Variants in AFDN observed in about 807,000 individuals in gnomAD.
The protein encoded by AFDN is afadin, adherens junction formation factor.
A neutral mutation model predicts 216.6 loss-of-function variants in AFDN; 68 were observed. That is an observed-to-expected ratio of 0.31 (90% CI 0.26 to 0.38). The LOEUF is 0.38. AFDN is among the 10% of genes least tolerant of loss of function. The probability of loss-of-function intolerance (pLI) is 1.00; values close to 1 mark genes in which losing one functional copy is unlikely to be tolerated. For missense variants in AFDN, 2,136 were observed against 2,342.0 expected (o/e 0.91, Z 1.82); for synonymous variants, 868 against 853.7 (o/e 1.02, Z -0.29).
chr6:167,908,056 C>T (rs1160404458), intron 13 of AFDN, among the ~76,000 whole-genome samples: 1 of 152,258 alleles, frequency 6.6e-6, no homozygotes, highest in East Asian at 1.9e-4. Flanking sequence ...AGAAAGACTG[C>T]ATGACTTCTA....
chr6:167,858,185 A>G lies in AFDN; in HGVS notation c.106-6366A>G, dbSNP rs1783117859. Reference sequence around the variant, plus strand: ...ATTTCTAATTCCAGTGAAGTCCAGCAGCAGAGCACTGATTTCACTTGCTTT... The same window carrying G: ...ATTTCTAATTCCAGTGAAGTCCAGCGGCAGAGCACTGATTTCACTTGCTTT... On this transcript the variant is annotated intron_variant, in intron 1 of 33. Transcript: ENST00000683244. 3.3e-5 allele frequency among the ~76,000 whole-genome samples: 5 copies of G among 152,278 alleles called. No individual in the cohort carries two copies. The South Asian group carries it at 1.0e-3, about 32-fold the overall frequency.
rs987230786 is a variant in AFDN, at chr6:167,971,055, G to A, written c.*1120G>A. On this transcript the variant is annotated 3_prime_UTR_variant, in exon 34 of 34. Coordinates refer to ENST00000683244, the MANE Select transcript of AFDN (RefSeq NM_001386888.1). ...TTACCACTGTCATTTCTTCAGCTATGGATATGTGGCTGATGTTGGGGAGAC... is the reference window on the plus strand; with the variant it reads ...TTACCACTGTCATTTCTTCAGCTATAGATATGTGGCTGATGTTGGGGAGAC... 2.3e-5 allele frequency: 5 copies of A among 218,822 alleles called. No homozygotes were observed. The highest frequency in any genetic ancestry group is 2.7e-5 in the Non-Finnish European group (3 of 109,140). The allele number at this position is 218,822 out of a possible 1,614,324, so 13.6% of individuals were successfully genotyped here.
chr6:167,930,996 A>G (rs902257894), intron 23 of AFDN, among the ~76,000 whole-genome samples: 5 of 145,592 alleles, frequency 3.4e-5, no homozygotes, highest in African/African-American at 7.3e-5. Flanking sequence ...GAGGCTTACA[A>G]TAGGGTCGTG....
chr6:167,960,963 T>C (rs1796975310), intron 30 of AFDN, among the ~76,000 whole-genome samples: 1 of 152,214 alleles, frequency 6.6e-6, no homozygotes, highest in African/African-American at 2.4e-5. Context: ...TTTATTATTG[T>C]TTATTGACAT....
rs772795620 is a variant in AFDN, at chr6:167,922,918, G to T, written c.2971G>T (p.Ala991Ser). The change falls in exon 22 of 34, where the codon GCA becomes TCA. Residue 991 changes from alanine to serine, a missense_variant. Ala to Ser is a moderately conservative substitution (Grantham distance 99). Around this residue, in one of 8 missense-constraint regions of AFDN, gnomAD observed 162 missense variants for 182.6 expected, o/e 0.89. Coordinates refer to ENST00000683244, the MANE Select transcript of AFDN (RefSeq NM_001386888.1). ...PGTWTIYFEG[A>S]DYESHLLREN... ...TACTTGGACAATATATTTTGAAGGTGCAGATTATGAAAGTCACCTTCTGCG... is the reference window on the plus strand; with the variant it reads ...TACTTGGACAATATATTTTGAAGGTTCAGATTATGAAAGTCACCTTCTGCG... 6.2e-7 allele frequency: 1 copy of T among 1,613,018 alleles called. No homozygotes were observed. The highest frequency in any genetic ancestry group is 1.3e-5 in the African/African-American group (1 of 74,822).
chr6:167,857,119 A>C (rs1782988251), intron 1 of AFDN, among the ~76,000 whole-genome samples: 2 of 152,120 alleles, frequency 1.3e-5, no homozygotes, highest in South Asian at 4.1e-4. Flanking sequence ...TGGAAGAGGA[A>C]AGTATCTTGA....
At chr6:167,950,398 C>G (rs6929637) in intron 29 of AFDN, among the ~76,000 whole-genome samples, 18,930 of 148,682 alleles carry the variant, frequency 0.13, 1,431 homozygotes, top group South Asian at 0.22. Flanking sequence ...TTCTCTGTGT[C>G]TGTGTGTGTG....
At chr6:167,964,454 T>G (rs1266302964) in intron 31 of AFDN, 7 of 1,065,550 alleles carry the variant, frequency 6.6e-6, no homozygotes, top group African/African-American at 1.6e-5. Flanking sequence ...GAACACTTAC[T>G]TTGTGTAGAC....
At chr6:167,898,913 TAGTA>T (rs1178328774) in intron 11 of AFDN, among the ~76,000 whole-genome samples, 4 of 152,232 alleles carry the variant, frequency 2.6e-5, no homozygotes, top group Non-Finnish European at 5.9e-5. Context: ...ATTGTGGGCT[TAGTA>T]AGGGAAAACA....
intron 6 of AFDN, among the ~76,000 whole-genome samples, chr6:167,884,076 A>G (rs560954688): frequency 2.0e-4 from 30 of 152,324 alleles, no homozygotes; most frequent in Non-Finnish European, 3.8e-4. Context: ...ATTCCATAAG[A>G]AACTACTTTC....
Position 167,890,885 on chromosome 6 carries a change from A to C in AFDN, c.1033A>C (p.Arg345=). 4 of 1,613,176 alleles carry C rather than the reference A, an allele frequency of 2.5e-6. No homozygotes were observed. The highest frequency in any genetic ancestry group is 3.4e-6 in the Non-Finnish European group (4 of 1,179,534). ...DKGILVFQLK[R]RPPDHIPKKT... ...AGGGATTTTAGTCTTTCAGTTGAAG[A>C]GGAGGCCACCAGACCACATCCCAAA... The change falls in exon 8 of 34, where the codon AGG becomes CGG. Residue 345 remains arginine, a synonymous_variant. Transcript: ENST00000683244.
chr6:167,848,993 G>C (rs1016748111), intron 1 of AFDN, among the ~76,000 whole-genome samples: 2 of 152,162 alleles, frequency 1.3e-5, no homozygotes, highest in African/African-American at 4.8e-5. Context: ...CATAGTGGTT[G>C]AAAGTGACTT....
chr6:167,839,400 G>A (rs778504594), intron 1 of AFDN, among the ~76,000 whole-genome samples: 1 of 151,790 alleles, frequency 6.6e-6, no homozygotes, highest in Non-Finnish European at 1.5e-5. Flanking sequence ...TAAAATTATG[G>A]ACATTTAAAC....
chr6:167,929,157 AATAAT>A (rs1334262126), intron 23 of AFDN, among the ~76,000 whole-genome samples: 1 of 151,958 alleles, frequency 6.6e-6, no homozygotes, highest in African/African-American at 2.4e-5. Context: ...TAATAGTTAA[AATAAT>A]ATTTCAGAAA....
At chr6:167,922,261 A>G (rs1185084618) in intron 21 of AFDN, among the ~76,000 whole-genome samples, 1 of 152,244 alleles carries the variant, frequency 6.6e-6, no homozygotes, top group Non-Finnish European at 1.5e-5. Flanking sequence ...TGATGAAAAT[A>G]TCAGAGATAT....
chr6:167,837,432 G>C lies in AFDN; in HGVS notation c.105+10195G>C, dbSNP rs186717740. Reference sequence around the variant, plus strand: ...TATTTTATTTTGGAAAAAAGTTTGCGTGTATGTTTAGCTGTATCTGCTTAT... The same window carrying C: ...TATTTTATTTTGGAAAAAAGTTTGCCTGTATGTTTAGCTGTATCTGCTTAT... On this transcript the variant is annotated intron_variant, in intron 1 of 33. Transcript: ENST00000683244. Among the ~76,000 whole-genome samples, 321 of 149,274 alleles carry C rather than the reference G, an allele frequency of 2.2e-3. 3 individuals are homozygous for C. The highest frequency in any genetic ancestry group is 7.0e-3 in the African/African-American group (283 of 40,504).
At chr6:167,948,237 A>C in intron 28 of AFDN, 56 bp from the exon 29 acceptor site, 1 of 1,431,610 alleles carries the variant, frequency 7.0e-7, no homozygotes, top group Non-Finnish European at 9.5e-7. Flanking sequence ...ATTGAAAATC[A>C]AGTTAGTCTG....
intron 1 of AFDN, among the ~76,000 whole-genome samples, chr6:167,843,259 T>G (rs1781278589): frequency 6.6e-6 from 1 of 152,192 alleles, no homozygotes; most frequent in African/African-American, 2.4e-5. Context: ...CCTGGAGGAC[T>G]CCAGACTGCT....
intron 23 of AFDN, among the ~76,000 whole-genome samples, chr6:167,934,804 G>T (rs910628810): frequency 6.6e-6 from 1 of 152,126 alleles, no homozygotes; most frequent in African/African-American, 2.4e-5. Context: ...TTGAAGCCTA[G>T]GCTCCGCCTG....
Sources: gnomAD v4.1 joint callset for allele counts (sites outside exome capture counted in the v4.1 genomes callset) on GRCh38, gnomAD v4.1.1 for gene constraint, gnomAD v4.1.1 regional missense constraint, MANE v1.5 for transcripts, NCBI Gene and HGNC (gene_info 2026-07-23, HGNC 2026-07-21) for gene names.